RIF1: variants seen among roughly 807,000 people sequenced by gnomAD.
RIF1 encodes the protein replication timing regulatory factor 1.
In RIF1, 45 loss-of-function variants were observed where a neutral mutation model predicts 247.1. The ratio of observed to expected loss-of-function variants is 0.18; its 90% CI spans 0.14 to 0.23. RIF1 has a LOEUF of 0.23. Among genes scored for constraint, RIF1 ranks in the 10% least tolerant of loss-of-function variants. RIF1 has a pLI of 1.00. For missense variants in RIF1, 2,967 were observed against 2,862.5 expected (o/e 1.04, Z -0.83); for synonymous variants, 1,087 against 978.8 (o/e 1.11, Z -2.06).
the RIF1 span, chr2:151,534,411 T>G: frequency 9.4e-7 from 1 of 1,061,522 alleles, no homozygotes; most frequent in Non-Finnish European, 1.4e-6. Context: ...GGCCAGAACA[T>G]GTCATCTCTA....
chr2:151,495,286 T>C (rs1186476261), exon 10 of RIF1: 1 of 152,196 alleles, frequency 6.6e-6, no homozygotes, highest in East Asian at 1.9e-4. Context: ...AAGAATTCTG[T>C]TGAAATAGTG....
chr2:151,443,023 G>A (rs765585290), intron 16 of RIF1, among the ~76,000 whole-genome samples: 4 of 151,776 alleles, frequency 2.6e-5, no homozygotes, highest in Non-Finnish European at 4.4e-5. Context: ...TGATCCACCC[G>A]CCTCGGCCTC....
At chr2:151,524,552 A>G in the RIF1 span, 1 of 1,537,488 alleles carries the variant, frequency 6.5e-7, no homozygotes, top group Non-Finnish European at 8.8e-7. Context: ...GGCCTTCTTG[A>G]TGTCTGGTCG....
At chr2:151,468,386 GAAATGATTGC>G (rs1354633838) in intron 31 of RIF1, 78 bp from the exon 32 acceptor site, 3 of 1,119,740 alleles carry the variant, frequency 2.7e-6, no homozygotes, top group Non-Finnish European at 2.7e-6. Context: ...AACTTTTAAA[GAAATGATTGC>G]AGTCTAAGTT....
At chr2:151,414,022 A>G (rs903204923) in intron 3 of RIF1, among the ~76,000 whole-genome samples, 3 of 152,194 alleles carry the variant, frequency 2.0e-5, no homozygotes, top group Non-Finnish European at 4.4e-5. Flanking sequence ...TTTAAATTCT[A>G]GATTGACAGC....
At chr2:151,433,303 T>C in intron 10 of RIF1, 75 bp downstream of exon 10, 1 of 1,209,538 alleles carries the variant, frequency 8.3e-7, no homozygotes, top group Non-Finnish European at 1.2e-6. Flanking sequence ...AATGTAATCC[T>C]GTGGTGTTAT....
the RIF1 span, among the ~76,000 whole-genome samples, chr2:151,524,071 A>T: frequency 6.6e-6 from 1 of 152,192 alleles, no homozygotes; most frequent in African/African-American, 2.4e-5. Flanking sequence ...AAAGATAGTT[A>T]AGCACACAGA....
chr2:151,467,186 G>C (rs1697053909), intron 30 of RIF1, among the ~76,000 whole-genome samples: 1 of 151,834 alleles, frequency 6.6e-6, no homozygotes. Flanking sequence ...CTGAGATTGT[G>C]CCACTGCACT....
At chr2:151,444,018 G>T (rs1461543439) in intron 18 of RIF1, among the ~76,000 whole-genome samples, 1 of 152,116 alleles carries the variant, frequency 6.6e-6, no homozygotes, top group African/African-American at 2.4e-5. Context: ...GAATAACAGC[G>T]GTTATCTTGA....
chr2:151,472,796 C>T (rs1048707253), intron 34 of RIF1, among the ~76,000 whole-genome samples: 2 of 152,132 alleles, frequency 1.3e-5, no homozygotes, highest in Non-Finnish European at 2.9e-5. Flanking sequence ...AGGATTTTTG[C>T]ATCAATGTTC....
chr2:151,500,015 T>C (rs1480904469), intron 11 of RIF1, among the ~76,000 whole-genome samples: 3 of 152,176 alleles, frequency 2.0e-5, no homozygotes, highest in African/African-American at 4.8e-5. Flanking sequence ...AATAATAATA[T>C]ACTTACTGTA....
intron 9 of RIF1, among the ~76,000 whole-genome samples, chr2:151,429,959 TTATC>T (rs1689777978): frequency 6.6e-6 from 1 of 152,200 alleles, no homozygotes; most frequent in Admixed American, 6.5e-5. Flanking sequence ...AGACCATTAT[TTATC>T]CCATTTCTTC....
At chr2:151,507,126 T>C (rs1457547406) in intron 13 of RIF1, 3 of 675,576 alleles carry the variant, frequency 4.4e-6, no homozygotes, top group African/African-American at 3.6e-5. Flanking sequence ...AAAAAGTCTA[T>C]GCACAATAAT....
chr2:151,458,025 C>T (rs1031677426), intron 24 of RIF1, 62 bp downstream of exon 24: 1 of 1,180,716 alleles, frequency 8.5e-7, no homozygotes, highest in African/African-American at 1.9e-5. Flanking sequence ...TAAATTGATA[C>T]TTTGATTCAA....
the RIF1 span, chr2:151,514,230 G>C: frequency 9.2e-6 from 8 of 874,288 alleles, no homozygotes; most frequent in Non-Finnish European, 1.5e-5. Context: ...TCTGTTCTCT[G>C]TTTTTGTTTT....
chr2:151,461,180 C>A lies in RIF1; in HGVS notation c.3118C>A (p.Leu1040Ile), dbSNP rs150890694. ...SSSLKVKGEI[L>I]LEEEKSTDFV... ...GTCTTTAAAAGTAAAGGGTGAAATTCTTTTGGAAGAGGAAAAGTCTACTGA... is the reference window on the plus strand; with the variant it reads ...GTCTTTAAAAGTAAAGGGTGAAATTATTTTGGAAGAGGAAAAGTCTACTGA... Residue 1040 changes from leucine (L) to isoleucine (I), a missense_variant, in exon 27 of 36, where the codon CTT (leucine) becomes ATT (isoleucine). Leu to Ile is a conservative substitution (Grantham distance 5, BLOSUM62 2). Coordinates refer to ENST00000444746, the MANE Select transcript of RIF1 (RefSeq NM_018151.5). 39 of 1,612,822 alleles carry A rather than the reference C, an allele frequency of 2.4e-5. No individual in the cohort carries two copies. The South Asian group carries it at 2.4e-4, about 10-fold the overall frequency.
intron 28 of RIF1, 39 bp downstream of exon 28, chr2:151,462,361 T>C: frequency 6.8e-7 from 1 of 1,477,778 alleles, no homozygotes; most frequent in African/African-American, 1.4e-5. Context: ...ATCTGTTTTA[T>C]TCATTTTCAA....
intron 22 of RIF1, among the ~76,000 whole-genome samples, chr2:151,455,862 A>C (rs1042622416): frequency 6.6e-6 from 1 of 152,168 alleles, no homozygotes; most frequent in Non-Finnish European, 1.5e-5. Context: ...AAATGTCTAC[A>C]TGTGATTCTG....
chr2:151,518,424 T>TG, the RIF1 span: 1 of 1,585,408 alleles, frequency 6.3e-7, no homozygotes, highest in Non-Finnish European at 8.6e-7. Flanking sequence ...GTACTGGTAC[T>TG]GAGGGGAAGG....
Sources: gnomAD v4.1 joint callset for allele counts (sites outside exome capture counted in the v4.1 genomes callset) on GRCh38, gnomAD v4.1.1 for gene constraint, MANE v1.5 for transcripts, NCBI Gene and HGNC (gene_info 2026-07-23, HGNC 2026-07-21) for gene names.